Variants in TRPC4 observed in about 807,000 individuals in gnomAD.
The protein encoded by TRPC4 is short transient receptor potential channel 4.
TRPC4 carries 49 observed loss-of-function variants against 99.4 expected under a neutral mutation model. The ratio of observed to expected loss-of-function variants is 0.49; its 90% CI spans 0.39 to 0.63. TRPC4 has a LOEUF of 0.63. Ranked by LOEUF, TRPC4 falls within the 20% of genes least tolerant of loss-of-function variation. The probability of loss-of-function intolerance (pLI) is 0.00; values close to 1 mark genes in which losing one functional copy is unlikely to be tolerated. For missense variants in TRPC4, 898 were observed against 1,152.9 expected (o/e 0.78, Z 3.20); for synonymous variants, 454 against 425.9 (o/e 1.07, Z -0.81).
intron 3 of TRPC4, among the ~76,000 whole-genome samples, chr13:37,741,906 T>C (rs1423506986): frequency 1.4e-5 from 2 of 144,206 alleles, no homozygotes; most frequent in African/African-American, 5.3e-5. Context: ...GCACATTATA[T>C]AACCCTCTGT....
At chr13:37,688,457 A>G (rs897200897) in intron 4 of TRPC4, among the ~76,000 whole-genome samples, 4 of 152,222 alleles carry the variant, frequency 2.6e-5, no homozygotes, top group African/African-American at 9.6e-5. Context: ...AAGCAAAACC[A>G]TAATTCTTAA....
At chr13:37,837,831 C>G (rs971566041) in intron 1 of TRPC4, among the ~76,000 whole-genome samples, 3 of 152,098 alleles carry the variant, frequency 2.0e-5, no homozygotes, top group African/African-American at 7.2e-5. Context: ...TATGGTTTGG[C>G]TGTGTCCCCA....
intron 5 of TRPC4, among the ~76,000 whole-genome samples, chr13:37,664,731 A>G (rs1430334443): frequency 6.6e-6 from 1 of 152,212 alleles, no homozygotes; most frequent in Non-Finnish European, 1.5e-5. Flanking sequence ...TTCCAATGAA[A>G]AGAAAGTTAG....
chr13:37,684,864 G>A (rs1953409566), intron 4 of TRPC4, among the ~76,000 whole-genome samples: 1 of 149,242 alleles, frequency 6.7e-6, no homozygotes, highest in Admixed American at 6.7e-5. Context: ...TAATGTCCTT[G>A]AAGAAAATAA....
intron 4 of TRPC4, among the ~76,000 whole-genome samples, chr13:37,688,820 A>G (rs1368170401): frequency 6.6e-6 from 1 of 152,214 alleles, no homozygotes; most frequent in Non-Finnish European, 1.5e-5. Flanking sequence ...GACAATTAAC[A>G]TGATGAGGGG....
intron 1 of TRPC4, among the ~76,000 whole-genome samples, chr13:37,828,683 C>T (rs1258655056): frequency 1.3e-5 from 2 of 152,178 alleles, no homozygotes; most frequent in African/African-American, 4.8e-5. Context: ...TTCTTTGCAG[C>T]AACATGGTTA....
At chr13:37,767,756 T>C (rs1040098497) in intron 2 of TRPC4, among the ~76,000 whole-genome samples, 26 of 151,300 alleles carry the variant, frequency 1.7e-4, no homozygotes, top group African/African-American at 6.3e-4. Flanking sequence ...TGAATAATTA[T>C]AAGGTTTTTT....
intron 3 of TRPC4, among the ~76,000 whole-genome samples, chr13:37,705,905 T>C (rs1954259061): frequency 6.6e-6 from 1 of 152,190 alleles, no homozygotes; most frequent in East Asian, 1.9e-4. Context: ...GTGTATAGTA[T>C]ACTGATACAT....
chr13:37,768,979 A>G (rs796193031), intron 2 of TRPC4, among the ~76,000 whole-genome samples: 16 of 151,536 alleles, frequency 1.1e-4, no homozygotes, highest in African/African-American at 3.9e-4. Flanking sequence ...ACCCAAAGAA[A>G]TATAGATCAT....
At chr13:37,780,943 C>G (rs968045704) in intron 2 of TRPC4, among the ~76,000 whole-genome samples, 2 of 151,998 alleles carry the variant, frequency 1.3e-5, no homozygotes, top group Non-Finnish European at 2.9e-5. Context: ...CTTCCAGAAA[C>G]ACATGGCCTG....
chr13:37,680,779 G>T (rs535440417), intron 4 of TRPC4, among the ~76,000 whole-genome samples: 38 of 152,336 alleles, frequency 2.5e-4, no homozygotes, highest in African/African-American at 8.9e-4. Flanking sequence ...TTAAGCCAGA[G>T]AAATTCTAGC....
At chr13:37,831,143 G>A (rs978813355) in intron 1 of TRPC4, among the ~76,000 whole-genome samples, 2 of 151,564 alleles carry the variant, frequency 1.3e-5, no homozygotes, top group Non-Finnish European at 2.9e-5. Flanking sequence ...TGTTGCCTGT[G>A]CTTTTGGGGT....
rs1325515613 is a variant in TRPC4 at position 37,637,160 on chromosome 13, A to C, written c.2677T>G (p.Ser893Ala). The C allele has an allele frequency of 6.2e-7, 1 of 1,613,810 alleles. No homozygotes were observed. Among genetic ancestry groups the C allele is most frequent in the Admixed American group, 1.7e-5 (1 of 59,924 alleles). The change falls in exon 11 of 11, where the codon TCA (serine) becomes GCA (alanine). Residue 893 changes from serine (S) to alanine (A), a missense_variant. Physicochemically the swap from Ser to Ala is moderately conservative, Grantham distance 99. Coordinates refer to ENST00000379705, the MANE Select transcript of TRPC4 (RefSeq NM_016179.4). ...NIQLESRGLA[S>A]RGDLSIPGLS... is the part of the protein sequence containing the mutation. The stretch of plus-strand genomic sequence containing the variant: ...CCGGGAATGCTCAGGTCACCCCGTG[A>C]AGCTAATCCTCGAGATTCCAGTTGA...
At chr13:37,742,691 G>T (rs956492094) in intron 3 of TRPC4, among the ~76,000 whole-genome samples, 2 of 152,076 alleles carry the variant, frequency 1.3e-5, no homozygotes, top group African/African-American at 4.8e-5. Flanking sequence ...CTGAGAGATG[G>T]ACTAAAGATA....
intron 3 of TRPC4, among the ~76,000 whole-genome samples, chr13:37,740,654 C>T (rs1797758846): frequency 6.6e-6 from 1 of 152,170 alleles, no homozygotes; most frequent in Non-Finnish European, 1.5e-5. Context: ...TCTGTCCCTA[C>T]ATTCTCCCCA....
At chr13:37,829,151 G>A (rs777655167) in intron 1 of TRPC4, among the ~76,000 whole-genome samples, 3 of 151,962 alleles carry the variant, frequency 2.0e-5, no homozygotes, top group Non-Finnish European at 4.4e-5. Context: ...TTCCTTAAAA[G>A]GACACTATCA....
chr13:37,657,814 A>AG (rs918497011), intron 6 of TRPC4, among the ~76,000 whole-genome samples: 19 of 152,304 alleles, frequency 1.2e-4, no homozygotes, highest in African/African-American at 4.6e-4. Context: ...AAAAATTTAA[A>AG]GGGGAAAATT....
At chr13:37,851,680 C>G (rs1959062491) in intron 1 of TRPC4, among the ~76,000 whole-genome samples, 1 of 152,210 alleles carries the variant, frequency 6.6e-6, no homozygotes, top group Non-Finnish European at 1.5e-5. Context: ...ACACAAAAAT[C>G]AGGTGAGCAA....
At chr13:37,782,887 AG>A (rs67971290) in intron 2 of TRPC4, 68 bp downstream of exon 2, 370,357 of 1,052,466 alleles carry the variant, frequency 0.35, 23,974 homozygotes, top group East Asian at 0.5. Flanking sequence ...AAAAAAAAAA[AG>A]AAAGAAAAGA....
Sources: allele counts gnomAD v4.1 joint callset (sites outside exome capture counted in the v4.1 genomes callset), GRCh38; gene constraint gnomAD v4.1.1; transcripts MANE v1.5; gene names NCBI Gene and HGNC (gene_info 2026-07-23, HGNC 2026-07-21).